RBFOX1: variants seen among roughly 807,000 people sequenced by gnomAD.
The protein encoded by RBFOX1 is RNA binding fox-1 homolog 1.
Under a neutral mutation model 57.7 loss-of-function variants are expected in RBFOX1, and 8 were observed. The ratio of observed to expected loss-of-function variants is 0.14; its 90% confidence interval spans 0.08 to 0.25. The LOEUF (loss-of-function observed/expected upper bound fraction) is 0.25, where lower values mean the gene tolerates loss of function less well. Ranked by LOEUF, RBFOX1 falls within the 10% of genes least tolerant of loss-of-function variation. The probability of loss-of-function intolerance (pLI) is 1.00; values close to 1 mark genes in which losing one functional copy is unlikely to be tolerated. For synonymous variants in RBFOX1, 326 were observed against 222.4 expected, an observed-to-expected ratio of 1.47 and a Z score of -4.15; for missense variants, 611 against 548.5, an observed-to-expected ratio of 1.11 and a Z score of -1.14.
At chr16:5,485,073 A>G (rs1287257023) in intron 2 of RBFOX1, among the ~76,000 whole-genome samples, 1 of 149,038 alleles carries the variant, frequency 6.7e-6, no homozygotes, top group African/African-American at 2.5e-5. Context: ...AAGGCTGGGC[A>G]CAGTGGCTCA....
At chr16:5,503,993 G>A (rs1436573300) in intron 2 of RBFOX1, among the ~76,000 whole-genome samples, 1 of 152,138 alleles carries the variant, frequency 6.6e-6, no homozygotes, top group Non-Finnish European at 1.5e-5. Context: ...TCTCATCATG[G>A]TGAGGAGAGC....
chr16:5,467,351 G>A, intron 2 of RBFOX1: 1 of 1,186,680 alleles, frequency 8.4e-7, no homozygotes, highest in Non-Finnish European at 1.2e-6. Flanking sequence ...CAACTTCACT[G>A]CCCAGGGCAG....
rs2095023829 is a variant in RBFOX1 at position 6,019,285 on chromosome 16, G to A, written c.-834G>A. 2.0e-6 allele frequency: 2 copies of A among 985,066 alleles called. No individual in the cohort carries two copies. The highest frequency in any genetic ancestry group is 4.7e-5 in the South Asian group (1 of 21,242). 61.0% of individuals were successfully genotyped at this position (985,066 alleles called of 1,614,324 possible). A position where few individuals can be genotyped will look rare whatever the true frequency, so the allele number is the denominator to read the frequency against. ...GCCCCCTTCCTGGTCTCCCGAGCGC[G>A]GGGTTTGAAGGTCACCTCCTTTCCA... On this transcript the variant is annotated 5_prime_UTR_variant, in exon 1 of 16. Transcript: ENST00000550418. This position sits in a 1 kb window ranked among gnomAD's most constrained non-coding sequence, Gnocchi z 4.2.
At chr16:7,164,120 C>A (rs779362275) in intron 4 of RBFOX1, among the ~76,000 whole-genome samples, 2 of 152,148 alleles carry the variant, frequency 1.3e-5, no homozygotes, top group Non-Finnish European at 2.9e-5. Flanking sequence ...CACCCCCTCC[C>A]ACCCTTTACC....
At chr16:5,934,991 C>T (rs2059138820) in intron 4 of RBFOX1, among the ~76,000 whole-genome samples, 1 of 152,174 alleles carries the variant, frequency 6.6e-6, no homozygotes, top group Non-Finnish European at 1.5e-5. Context: ...GAGATCAGTC[C>T]TGCATCTGCA....
intron 3 of RBFOX1, among the ~76,000 whole-genome samples, chr16:5,735,450 C>A (rs561650664): frequency 6.6e-6 from 1 of 152,364 alleles, no homozygotes; most frequent in East Asian, 1.9e-4. Context: ...AACTTTCTTT[C>A]TCCAAGGCTG....
intron 3 of RBFOX1, among the ~76,000 whole-genome samples, chr16:7,003,854 T>A (rs796471571): frequency 1.9e-4 from 29 of 152,312 alleles, no homozygotes; most frequent in African/African-American, 6.7e-4. Flanking sequence ...GACTCACTAA[T>A]GGTTTTCAGA....
Position 6,649,543 on chromosome 16 carries a change from A to T in RBFOX1, c.-63-5060A>T, listed in dbSNP as rs115240830. On this transcript the variant is annotated intron_variant, in intron 2 of 15. Coordinates refer to ENST00000550418, the MANE Select transcript of RBFOX1 (RefSeq NM_018723.4). ...CCGACACTTTCCCCTGAGTCCGCAA[A>T]GTCCACTGTACCATTCTTATGCCTT... Among the ~76,000 whole-genome samples, 2 of 152,150 alleles carry T rather than the reference A, an allele frequency of 1.3e-5. 1 individual carries two copies. The highest frequency in any genetic ancestry group is 4.1e-4 in the South Asian group (2 of 4,830).
rs146612210 is a variant in RBFOX1 at position 5,330,922 on chromosome 16, C to T, written c.219+90817C>T. On this transcript the variant is annotated intron_variant, in intron 1 of 2. Transcript: ENST00000585867. The stretch of plus-strand genomic sequence containing the variant: ...TTTTTGTTTGTTTGTTTTGTTTTTT[C>T]CCTTCTCAGAACAGGGATATTCTTT... Among the ~76,000 whole-genome samples, 229 of 152,048 alleles carry T rather than the reference C, an allele frequency of 1.5e-3. 1 individual carries two copies. Among genetic ancestry groups the T allele is most frequent in the African/African-American group, 5.3e-3 (218 of 41,452 alleles).
chr16:7,104,024 TTG>T (rs1358870648), intron 4 of RBFOX1, among the ~76,000 whole-genome samples: 4 of 152,188 alleles, frequency 2.6e-5, no homozygotes, highest in African/African-American at 4.8e-5. Context: ...AAATTTTGTT[TTG>T]TGTTTTTCCA....
intron 2 of RBFOX1, among the ~76,000 whole-genome samples, chr16:5,521,375 G>A (rs570153382): frequency 7.4e-6 from 1 of 135,990 alleles, no homozygotes; most frequent in Non-Finnish European, 1.6e-5. Flanking sequence ...GGGTGGGGGG[G>A]TGGAAAAAGA....
rs1008127223 is a variant in RBFOX1 at position 6,526,517 on chromosome 16, C to G, written c.-63-128086C>G. On this transcript the variant is annotated intron_variant, in intron 2 of 15. Coordinates refer to ENST00000550418, the MANE Select transcript of RBFOX1 (RefSeq NM_018723.4). ...AGGCTAGATGCTTTATACACAATAT[C>G]TCATTTAATTCTTAATGAAATACCC... Among the ~76,000 whole-genome samples, 5 of 151,990 alleles carry G rather than the reference C, an allele frequency of 3.3e-5. No homozygotes were observed. In the South Asian group the frequency reaches 1.0e-3, roughly 32 times the overall value.
chr16:6,170,897 A>C (rs2096955418), intron 1 of RBFOX1, among the ~76,000 whole-genome samples: 1 of 152,136 alleles, frequency 6.6e-6, no homozygotes, highest in Non-Finnish European at 1.5e-5. Flanking sequence ...AGCTCCATCC[A>C]GGTCTCTGCA....
At chr16:6,216,732 C>T (rs899570715) in intron 1 of RBFOX1, among the ~76,000 whole-genome samples, 3 of 152,160 alleles carry the variant, frequency 2.0e-5, no homozygotes, top group Non-Finnish European at 4.4e-5. Flanking sequence ...TTGTTTGTCT[C>T]TTTATTTCCT....
At chr16:7,529,444 C>A (rs1258870539) in intron 5 of RBFOX1, among the ~76,000 whole-genome samples, 1 of 152,120 alleles carries the variant, frequency 6.6e-6, no homozygotes, top group Non-Finnish European at 1.5e-5. Flanking sequence ...TGGTGGGGAC[C>A]CTGTAGTAAT....
intron 4 of RBFOX1, among the ~76,000 whole-genome samples, chr16:5,987,108 C>G (rs1337366361): frequency 2.0e-5 from 3 of 152,096 alleles, no homozygotes; most frequent in Non-Finnish European, 1.5e-5. Flanking sequence ...ATTTATAGTT[C>G]ATTCCCTGAT....
At chr16:6,586,268 C>G (rs111687730) in intron 2 of RBFOX1, among the ~76,000 whole-genome samples, 1 of 152,164 alleles carries the variant, frequency 6.6e-6, no homozygotes, top group Non-Finnish European at 1.5e-5. Flanking sequence ...CTTTGAACCA[C>G]TCGTCTTACA....
chr16:6,515,111 G>A (rs568079943), intron 2 of RBFOX1, among the ~76,000 whole-genome samples: 1 of 152,096 alleles, frequency 6.6e-6, no homozygotes, highest in Non-Finnish European at 1.5e-5. Context: ...AGAAATGGGT[G>A]TATATTACAG....
At chr16:6,115,919 C>G (rs2096491871) in intron 1 of RBFOX1, among the ~76,000 whole-genome samples, 1 of 152,056 alleles carries the variant, frequency 6.6e-6, no homozygotes, top group Non-Finnish European at 1.5e-5. Flanking sequence ...GTATAAATAT[C>G]TCTAGTACCC....
Sources: allele counts gnomAD v4.1 joint callset (sites outside exome capture counted in the v4.1 genomes callset), GRCh38; gene constraint gnomAD v4.1.1; non-coding constraint Gnocchi (gnomAD v3.1); transcripts MANE v1.5; gene names NCBI Gene and HGNC (gene_info 2026-07-23, HGNC 2026-07-21).